The following PTPN14 variants were observed in gnomAD, a reference collection of about 807,000 sequenced individuals.
PTPN14 encodes tyrosine-protein phosphatase non-receptor type 14.
In PTPN14, 53 loss-of-function variants were observed where a neutral mutation model predicts 126.8. The observed-to-expected ratio is 0.42, with a 90% CI of 0.34 to 0.53. PTPN14 has a LOEUF of 0.53. PTPN14 is among the 20% of genes least tolerant of loss of function. The pLI is 0.08. For missense variants in PTPN14, 1,257 were observed against 1,552.9 expected, an observed-to-expected ratio of 0.81 and a Z score of 3.20; for synonymous variants, 630 against 599.3, an observed-to-expected ratio of 1.05 and a Z score of -0.75.
intron 1 of PTPN14, among the ~76,000 whole-genome samples, chr1:214,527,215 G>C: frequency 6.6e-6 from 1 of 152,216 alleles, no homozygotes; most frequent in Non-Finnish European, 1.5e-5. Context: ...CATTAGACCA[G>C]ATGGTAAAGG....
In PTPN14 at chr1:214,356,566, A is replaced by G. The variant is rs1473644350; in HGVS notation, c.*1356T>C. ...CAGAAGGACACTGACCAATGAAGCC[A>G]TAGGAAGAAACTAAGAACTGGGCTT... is the stretch of plus-strand genomic sequence containing the variant. On this transcript the variant is annotated 3_prime_UTR_variant, in exon 19 of 19. Transcript: ENST00000366956. The G allele has an allele frequency of 1.3e-5, 2 of 152,264 alleles. No homozygotes were observed. Among genetic ancestry groups the G allele is most frequent in the Non-Finnish European group, 2.9e-5 (2 of 68,038 alleles). The allele number at this position is 152,264 out of a possible 1,614,324, so 9.4% of individuals were successfully genotyped here.
chr1:214,483,047 T>C (rs1178969025), intron 1 of PTPN14: 29 of 1,608,188 alleles, frequency 1.8e-5, no homozygotes, highest in African/African-American at 4.0e-5. Context: ...GTGAACCTTG[T>C]CTACATGGAA....
chr1:214,451,151 T>C (rs899193029), intron 3 of PTPN14, among the ~76,000 whole-genome samples: 6 of 125,900 alleles, frequency 4.8e-5, no homozygotes, highest in Admixed American at 4.2e-4. Context: ...TTTTTGTTTT[T>C]GTTTTTGTTG....
At chr1:214,551,051 C>A (rs1656096680) in intron 1 of PTPN14, 132 bp downstream of exon 1, 1 of 152,262 alleles carries the variant, frequency 6.6e-6, no homozygotes, top group Non-Finnish European at 1.5e-5. Flanking sequence ...CCCCAGGCTG[C>A]CCTGCCAGGC....
At chr1:214,481,244 G>A (rs574143856) in intron 1 of PTPN14, among the ~76,000 whole-genome samples, 3 of 152,022 alleles carry the variant, frequency 2.0e-5, no homozygotes, top group Admixed American at 2.0e-4. Flanking sequence ...AGTGGCTCAC[G>A]CCTATAATCC....
chr1:214,395,343 A>G (rs983880447), intron 8 of PTPN14, among the ~76,000 whole-genome samples: 1 of 152,144 alleles, frequency 6.6e-6, no homozygotes, highest in Non-Finnish European at 1.5e-5. Context: ...GGAGGAGCAC[A>G]TATTATTAAA....
At chr1:214,543,660 C>T in intron 1 of PTPN14, among the ~76,000 whole-genome samples, 1 of 151,430 alleles carries the variant, frequency 6.6e-6, no homozygotes, top group East Asian at 1.9e-4. Flanking sequence ...TAGATGGAGT[C>T]TCGCTCTGTC....
chr1:214,535,191 C>G (rs1314742407), intron 1 of PTPN14, among the ~76,000 whole-genome samples: 1 of 152,144 alleles, frequency 6.6e-6, no homozygotes, highest in Non-Finnish European at 1.5e-5. Flanking sequence ...TATACTTCAT[C>G]TGCACCTACA....
At chr1:214,393,629 C>G in intron 10 of PTPN14, 66 bp downstream of exon 10, 1 of 1,266,726 alleles carries the variant, frequency 7.9e-7, no homozygotes, top group South Asian at 1.2e-5. Context: ...ATCTACAGCA[C>G]CCCAAAAGGA....
At chr1:214,458,060 G>GAGAGAGAGAC (rs970056073) in intron 2 of PTPN14, among the ~76,000 whole-genome samples, 25 of 151,844 alleles carry the variant, frequency 1.6e-4, no homozygotes, top group Non-Finnish European at 3.5e-4. Flanking sequence ...GAGAGATAGA[G>GAGAGAGAGAC]AGAGAGAGAC....
intron 1 of PTPN14, among the ~76,000 whole-genome samples, chr1:214,538,986 G>A (rs1286150205): frequency 6.6e-6 from 1 of 152,124 alleles, no homozygotes; most frequent in African/African-American, 2.4e-5. Context: ...TTGATTTTGT[G>A]AATAATTCCT....
At chr1:214,400,949 T>C (rs1026968574) in intron 7 of PTPN14, among the ~76,000 whole-genome samples, 2 of 152,042 alleles carry the variant, frequency 1.3e-5, no homozygotes, top group African/African-American at 4.8e-5. Flanking sequence ...TGGAGTGAAA[T>C]GTTTGTGCTG....
chr1:214,451,540 C>A (rs1660272939), intron 3 of PTPN14, among the ~76,000 whole-genome samples: 1 of 152,064 alleles, frequency 6.6e-6, no homozygotes, highest in African/African-American at 2.4e-5. Context: ...TTCCACGCTG[C>A]TAGAGATGAA....
intron 6 of PTPN14, among the ~76,000 whole-genome samples, chr1:214,402,387 C>T (rs1451570891): frequency 3.6e-5 from 5 of 137,402 alleles, no homozygotes; most frequent in Non-Finnish European, 7.6e-5. Flanking sequence ...TTGCAGTGGA[C>T]CGAGATCGCA....
intron 3 of PTPN14, among the ~76,000 whole-genome samples, chr1:214,422,827 T>C (rs1369741866): frequency 3.9e-5 from 6 of 152,310 alleles, no homozygotes; most frequent in African/African-American, 1.4e-4. Flanking sequence ...AGGTAGTCCC[T>C]ACCTTTTCAC....
At chr1:214,496,165 T>C (rs906442187) in intron 1 of PTPN14, among the ~76,000 whole-genome samples, 1 of 152,184 alleles carries the variant, frequency 6.6e-6, no homozygotes. Context: ...CTTCATTTCC[T>C]AACAAAAATA....
chr1:214,550,268 T>C (rs1299195030), intron 1 of PTPN14, among the ~76,000 whole-genome samples: 1 of 152,198 alleles, frequency 6.6e-6, no homozygotes, highest in Non-Finnish European at 1.5e-5. Flanking sequence ...TTCAAGAAGT[T>C]AACACATTGG....
intron 1 of PTPN14, among the ~76,000 whole-genome samples, chr1:214,533,668 A>G (rs1402057134): frequency 6.6e-6 from 1 of 152,038 alleles, no homozygotes; most frequent in African/African-American, 2.4e-5. Context: ...CATCTCTACT[A>G]AAAATACAAA....
chr1:214,444,659 A>G (rs1226043086), intron 3 of PTPN14, among the ~76,000 whole-genome samples: 3 of 152,214 alleles, frequency 2.0e-5, no homozygotes, highest in Non-Finnish European at 1.5e-5. Flanking sequence ...ATTGGTATTT[A>G]TAAGAAAGAA....
Sources: allele counts gnomAD v4.1 joint callset (sites outside exome capture counted in the v4.1 genomes callset), GRCh38; gene constraint gnomAD v4.1.1; transcripts MANE v1.5; gene names NCBI Gene and HGNC (gene_info 2026-07-23, HGNC 2026-07-21).